The following PGGT1B variants were observed in gnomAD, a reference collection of about 807,000 sequenced individuals.
The protein encoded by PGGT1B is protein geranylgeranyltransferase type I subunit beta, also known as geranylgeranyl transferase type-1 subunit beta.
In PGGT1B, 30 loss-of-function variants were observed where a neutral mutation model predicts 46.1. The observed-to-expected ratio is 0.65, with a 90% CI of 0.49 to 0.88. PGGT1B has a LOEUF of 0.88. Among genes scored for constraint, PGGT1B ranks in the 40% least tolerant of loss-of-function variants. PGGT1B has a pLI of 0.00. For missense variants in PGGT1B, 376 were observed against 455.9 expected (o/e 0.82, Z 1.60); for synonymous variants, 170 against 160.0 (o/e 1.06, Z -0.47).
intron 2 of PGGT1B, among the ~76,000 whole-genome samples, chr5:115,249,085 GA>G (rs1346156285): frequency 1.3e-5 from 2 of 152,008 alleles, no homozygotes; most frequent in Non-Finnish European, 2.9e-5. Flanking sequence ...AAACAATTCA[GA>G]TATATAGAAA....
intron 3 of PGGT1B, 65 bp from the exon 4 acceptor site, chr5:115,238,074 T>C (rs1757238379): frequency 1.7e-6 from 2 of 1,188,574 alleles, no homozygotes; most frequent in Non-Finnish European, 2.4e-6. Context: ...CATTAAGAAA[T>C]CTGACATAAG....
chr5:115,253,586 C>T (rs1324009605), intron 1 of PGGT1B, among the ~76,000 whole-genome samples: 2 of 151,840 alleles, frequency 1.3e-5, no homozygotes, highest in Non-Finnish European at 2.9e-5. Context: ...CTAATCAGTA[C>T]AAATAGTACA....
rs1416964139 is a variant in PGGT1B, at chr5:115,205,881, C to T, written c.*6521G>A. 6.6e-6 allele frequency: 1 copy of T among 151,958 alleles called. No individual in the cohort carries two copies. The highest frequency in any genetic ancestry group is 3.2e-3 in the Middle Eastern group (1 of 316). 9.4% of individuals were successfully genotyped at this position (151,958 alleles called of 1,614,324 possible). A position where few individuals can be genotyped will look rare whatever the true frequency, so the allele number is the denominator to read the frequency against. On this transcript the variant is annotated 3_prime_UTR_variant, in exon 9 of 9. Transcript: ENST00000419445. ...AGAAACATGCAAATGGGCAATTATA[C>T]ATTTTCAAGGATCTCACAGCAATAT...
intron 1 of PGGT1B, among the ~76,000 whole-genome samples, chr5:115,254,131 A>G (rs1748213768): frequency 6.6e-6 from 1 of 152,028 alleles, no homozygotes; most frequent in South Asian, 2.1e-4. Context: ...TTCAATGAAG[A>G]TTCTAAGAAA....
intron 7 of PGGT1B, among the ~76,000 whole-genome samples, chr5:115,220,129 T>G (rs1756542864): frequency 6.6e-6 from 1 of 151,776 alleles, no homozygotes; most frequent in South Asian, 2.1e-4. Context: ...AGCACGGACT[T>G]GAACATATAT....
At chr5:115,220,115 T>C (rs148211229) in intron 7 of PGGT1B, among the ~76,000 whole-genome samples, 1 of 151,790 alleles carries the variant, frequency 6.6e-6, no homozygotes, top group African/African-American at 2.4e-5. Flanking sequence ...CCCTGAAAAA[T>C]GAAAGCACGG....
intron 8 of PGGT1B, 136 bp downstream of exon 8, chr5:115,216,729 T>C (rs1323654263): frequency 7.6e-6 from 5 of 661,020 alleles, no homozygotes; most frequent in Non-Finnish European, 1.1e-5. Flanking sequence ...GCTTACACAA[T>C]ATACCTTTTA....
chr5:115,260,382 G>A (rs1333822928), intron 1 of PGGT1B, among the ~76,000 whole-genome samples: 1 of 152,052 alleles, frequency 6.6e-6, no homozygotes, highest in Admixed American at 6.6e-5. Flanking sequence ...TAGACACATG[G>A]GGAGGCACTC....
chr5:115,246,489 A>T (rs1031602661), intron 2 of PGGT1B, among the ~76,000 whole-genome samples: 18 of 152,206 alleles, frequency 1.2e-4, no homozygotes, highest in Admixed American at 1.2e-3. Context: ...TAATTAAGAA[A>T]GTATACACAC....
chr5:115,260,402 CTG>C (rs1054920613), intron 1 of PGGT1B, among the ~76,000 whole-genome samples: 9 of 152,072 alleles, frequency 5.9e-5, no homozygotes, highest in Non-Finnish European at 1.5e-5. Context: ...CTATGAATGA[CTG>C]TGGAATTTAA....
intron 2 of PGGT1B, among the ~76,000 whole-genome samples, chr5:115,252,536 T>C (rs1748147836): frequency 1.3e-5 from 2 of 152,058 alleles, no homozygotes; most frequent in Admixed American, 6.6e-5. Context: ...CTATCTTAGA[T>C]ATTTTATACT....
At chr5:115,258,365 C>T (rs1183891042) in intron 1 of PGGT1B, among the ~76,000 whole-genome samples, 1 of 152,240 alleles carries the variant, frequency 6.6e-6, no homozygotes, top group Admixed American at 6.5e-5. Context: ...TGGACTACCA[C>T]ATGAGTGTCC....
intron 2 of PGGT1B, among the ~76,000 whole-genome samples, chr5:115,249,636 A>C: frequency 6.6e-6 from 1 of 151,894 alleles, no homozygotes; most frequent in East Asian, 1.9e-4. Flanking sequence ...TGGAGCAGGT[A>C]ATCAGAATGA....
chr5:115,239,814 G>A lies in PGGT1B; in HGVS notation c.327+1725C>T, dbSNP rs141701328. Among the ~76,000 whole-genome samples the A allele has an allele frequency of 3.8e-3, 576 of 152,302 alleles. 1 individual carries two copies. The highest frequency in any genetic ancestry group is 0.014 in the Middle Eastern group (4 of 294). ...TAAGGACAACACAAAATTTGCTAGA[G>A]AGCATGGGATTTGTGAAAGGAAATT... On this transcript the variant is annotated intron_variant, in intron 3 of 8. Coordinates refer to ENST00000419445, the MANE Select transcript of PGGT1B (RefSeq NM_005023.4).
intron 3 of PGGT1B, among the ~76,000 whole-genome samples, chr5:115,239,440 G>C (rs531086232): frequency 6.6e-6 from 1 of 151,742 alleles, no homozygotes; most frequent in Admixed American, 6.6e-5. Context: ...TCAAGCTCTA[G>C]TTCTCCTGGC....
chr5:115,213,773 AAAC>A (rs1203551116), intron 8 of PGGT1B, among the ~76,000 whole-genome samples: 7 of 152,224 alleles, frequency 4.6e-5, no homozygotes, highest in African/African-American at 9.6e-5. Flanking sequence ...CCCTGTCTCA[AAAC>A]AACAACAACA....
In PGGT1B at chr5:115,220,313, C is replaced by T. The variant is rs543502151; in HGVS notation, c.843+1511G>A. Among the ~76,000 whole-genome samples, 12 of 151,508 alleles carry T rather than the reference C, an allele frequency of 7.9e-5. No homozygotes were observed. The East Asian group carries it at 2.3e-3, about 29-fold the overall frequency. ...GATATATGCCATGTCATAAATAAAC[C>T]CTGAAACCATTATGCTAAGTGAAAT... On this transcript the variant is annotated intron_variant, in intron 7 of 8. Coordinates refer to ENST00000419445, the MANE Select transcript of PGGT1B (RefSeq NM_005023.4).
intron 1 of PGGT1B, among the ~76,000 whole-genome samples, chr5:115,256,557 T>C (rs888898688): frequency 6.6e-6 from 1 of 152,198 alleles, no homozygotes; most frequent in Non-Finnish European, 1.5e-5. Context: ...GAATGGCTTA[T>C]GTTTATAAAA....
At chr5:115,251,790 G>A (rs577848387) in intron 2 of PGGT1B, among the ~76,000 whole-genome samples, 3 of 151,924 alleles carry the variant, frequency 2.0e-5, no homozygotes, top group South Asian at 2.1e-4. Flanking sequence ...TCTGTACCAT[G>A]TAAGATACAT....
Sources: allele counts gnomAD v4.1 joint callset (sites outside exome capture counted in the v4.1 genomes callset), GRCh38; gene constraint gnomAD v4.1.1; transcripts MANE v1.5; gene names NCBI Gene and HGNC (gene_info 2026-07-23, HGNC 2026-07-21).